The following DSCAML1 variants were observed in gnomAD, a reference collection of about 807,000 sequenced individuals.
DSCAML1 encodes cell adhesion molecule DSCAML1.
Under a neutral mutation model 200.5 loss-of-function variants are expected in DSCAML1, and 38 were observed. The ratio of observed to expected loss-of-function variants is 0.19; its 90% CI spans 0.15 to 0.25. The LOEUF (loss-of-function observed/expected upper bound fraction) is 0.25. Among genes scored for constraint, DSCAML1 ranks in the 10% least tolerant of loss-of-function variants. The probability of loss-of-function intolerance (pLI) is 1.00; values close to 1 mark genes in which losing one functional copy is unlikely to be tolerated. For missense variants in DSCAML1, 2,223 were observed against 2,858.8 expected (o/e 0.78, Z 5.07); for synonymous variants, 1,215 against 1,165.0 (o/e 1.04, Z -0.87).
At chr11:117,803,872 G>C (rs2055684395) in intron 1 of DSCAML1, among the ~76,000 whole-genome samples, 1 of 152,242 alleles carries the variant, frequency 6.6e-6, no homozygotes, top group African/African-American at 2.4e-5. Context: ...TCTCTTCCTA[G>C]AAAGTCTGCC....
intron 8 of DSCAML1, among the ~76,000 whole-genome samples, chr11:117,512,889 C>T (rs1234387780): frequency 6.6e-6 from 1 of 152,014 alleles, no homozygotes; most frequent in African/African-American, 2.4e-5. Flanking sequence ...CAGCGAGTCG[C>T]CGAGACGGAA....
At chr11:117,570,586 TGGTGACTGAGCAGTTTAA>T (rs763032816) in intron 3 of DSCAML1, among the ~76,000 whole-genome samples, 9 of 152,264 alleles carry the variant, frequency 5.9e-5, no homozygotes, top group African/African-American at 1.9e-4. Flanking sequence ...AATACATTTT[TGGTGACTGAGCAGTTTAA>T]GGTGACTGAG....
chr11:117,809,746 G>T (rs1158647003), intron 1 of DSCAML1, among the ~76,000 whole-genome samples: 1 of 152,142 alleles, frequency 6.6e-6, no homozygotes, highest in African/African-American at 2.4e-5. Context: ...CAGCGCTCCA[G>T]ATGCTAGGTC....
chr11:117,503,716 C>T lies in DSCAML1; in HGVS notation c.2359+129G>A, dbSNP rs2049439525. Reference sequence around the variant, plus strand: ...CCAAGGGTCCCAAGGCCACCTCTCACTAGGAAGCCTTCCTGCCTCCCCTTC... The same window carrying T: ...CCAAGGGTCCCAAGGCCACCTCTCATTAGGAAGCCTTCCTGCCTCCCCTTC... On this transcript the variant is annotated intron_variant, in intron 11 of 32. Coordinates refer to ENST00000651296, the MANE Select transcript of DSCAML1 (RefSeq NM_020693.4). This position sits in a 1 kb window ranked among gnomAD's most constrained non-coding sequence, Gnocchi z 5.2. 2.7e-6 allele frequency: 3 copies of T among 1,122,934 alleles called. No homozygotes were observed. Among genetic ancestry groups the T allele is most frequent in the East Asian group, 2.6e-5 (1 of 37,956 alleles). 69.6% of individuals were successfully genotyped at this position (1,122,934 alleles called of 1,614,324 possible).
chr11:117,551,318 G>T (rs541933588), intron 3 of DSCAML1, among the ~76,000 whole-genome samples: 151 of 152,334 alleles, frequency 9.9e-4, no homozygotes, highest in African/African-American at 3.4e-3. Context: ...CCTGCTGTGT[G>T]TCAGGTCCTG....
chr11:117,652,075 G>A (rs2052644644), intron 3 of DSCAML1, among the ~76,000 whole-genome samples: 1 of 152,214 alleles, frequency 6.6e-6, no homozygotes, highest in African/African-American at 2.4e-5. Flanking sequence ...CCTTCTCAGG[G>A]TTCGGAGATC....
At chr11:117,644,475 CA>C (rs996394629) in intron 3 of DSCAML1, among the ~76,000 whole-genome samples, 1 of 152,252 alleles carries the variant, frequency 6.6e-6, no homozygotes, top group African/African-American at 2.4e-5. Context: ...GCACCCCAAG[CA>C]CGCCCTCCAC....
chr11:117,783,248 G>A (rs1228387250), intron 1 of DSCAML1, among the ~76,000 whole-genome samples: 2 of 152,148 alleles, frequency 1.3e-5, no homozygotes, highest in African/African-American at 2.4e-5. Context: ...AGGTAATCAG[G>A]CACTCTCACC....
intron 1 of DSCAML1, among the ~76,000 whole-genome samples, chr11:117,805,986 A>G (rs1040918983): frequency 2.0e-5 from 3 of 152,216 alleles, no homozygotes; most frequent in African/African-American, 7.2e-5. Context: ...GCTTAGGTCC[A>G]GGGCTCCTGA....
intron 8 of DSCAML1, among the ~76,000 whole-genome samples, chr11:117,510,907 C>CA (rs1432397354): frequency 1.3e-5 from 2 of 152,190 alleles, no homozygotes; most frequent in Admixed American, 6.5e-5. Context: ...GTTCCTCCCC[C>CA]AAATGGCATG....
chr11:117,628,739 T>C (rs537020236), intron 3 of DSCAML1, among the ~76,000 whole-genome samples: 2 of 152,322 alleles, frequency 1.3e-5, no homozygotes, highest in African/African-American at 4.8e-5. Flanking sequence ...GGGGAAGTTA[T>C]ACGTGGACTT....
chr11:117,687,360 A>G (rs897637357), intron 3 of DSCAML1, among the ~76,000 whole-genome samples: 18 of 151,800 alleles, frequency 1.2e-4, no homozygotes, highest in African/African-American at 9.7e-5. Context: ...TCCTGAGCTC[A>G]AGTAATCCTC....
intron 1 of DSCAML1, among the ~76,000 whole-genome samples, chr11:117,811,331 C>T (rs1320219301): frequency 6.6e-6 from 1 of 152,084 alleles, no homozygotes; most frequent in Admixed American, 6.5e-5. Flanking sequence ...CAATCTGCTC[C>T]CGACATTAAA....
chr11:117,650,880 T>C (rs1009258909), intron 3 of DSCAML1, among the ~76,000 whole-genome samples: 1 of 152,104 alleles, frequency 6.6e-6, no homozygotes, highest in Admixed American at 6.6e-5. Flanking sequence ...CTGAGTTGGT[T>C]CAGAATCACC....
rs2049448727 is a variant in DSCAML1 at position 117,504,183 on chromosome 11, A to G, written c.2183-162T>C. Among the ~76,000 whole-genome samples, 1 of 152,214 alleles carries G rather than the reference A, an allele frequency of 6.6e-6. No homozygotes were observed. The highest frequency in any genetic ancestry group is 2.4e-5 in the African/African-American group (1 of 41,450). ...TGAGGCCACATGGCTCCTGGTGGGC[A>G]ACAGGAAAGACCCCCCCACCAGAGG... is the stretch of plus-strand genomic sequence containing the variant. On this transcript the variant is annotated intron_variant, in intron 10 of 32. Transcript: ENST00000651296. This position sits in a 1 kb window ranked among gnomAD's most constrained non-coding sequence, Gnocchi z 5.0.
chr11:117,556,618 C>T (rs1464149900), intron 3 of DSCAML1, among the ~76,000 whole-genome samples: 1 of 152,170 alleles, frequency 6.6e-6, no homozygotes, highest in Non-Finnish European at 1.5e-5. Flanking sequence ...ACCTACCCTA[C>T]GTGAGATACC....
chr11:117,701,806 C>T (rs950025413), intron 3 of DSCAML1, among the ~76,000 whole-genome samples: 2 of 152,202 alleles, frequency 1.3e-5, no homozygotes, highest in Non-Finnish European at 2.9e-5. Flanking sequence ...CATCCTACTA[C>T]CCTCAGGCCT....
chr11:117,441,364 G>A (rs1423889744), intron 21 of DSCAML1, among the ~76,000 whole-genome samples: 3 of 152,218 alleles, frequency 2.0e-5, no homozygotes, highest in Non-Finnish European at 4.4e-5. Context: ...GACCAAAGAC[G>A]CTGATCTGAG....
chr11:117,668,589 C>T (rs748143816), intron 3 of DSCAML1: 10 of 152,248 alleles, frequency 6.6e-5, no homozygotes, highest in African/African-American at 9.6e-5. Flanking sequence ...AGGCAGGCAC[C>T]TGTGCCAGTC....
Sources: allele counts gnomAD v4.1 joint callset (sites outside exome capture counted in the v4.1 genomes callset), GRCh38; gene constraint gnomAD v4.1.1; non-coding constraint Gnocchi (gnomAD v3.1); transcripts MANE v1.5; gene names NCBI Gene and HGNC (gene_info 2026-07-23, HGNC 2026-07-21).